The following CPA6 variants were observed in gnomAD, a reference collection of about 807,000 sequenced individuals.
CPA6 encodes the protein carboxypeptidase A6.
Under a neutral mutation model 63.3 loss-of-function variants are expected in CPA6, and 58 were observed. The observed-to-expected ratio is 0.92, with a 90% CI of 0.74 to 1.14. The LOEUF is 1.14. Among genes scored for constraint, CPA6 ranks in the 50% most tolerant of loss-of-function variants. CPA6 has a pLI of 0.00. For synonymous variants in CPA6, 185 were observed against 179.0 expected (o/e 1.03, Z -0.27); for missense variants, 565 against 526.6 (o/e 1.07, Z -0.71).
intron 6 of CPA6, among the ~76,000 whole-genome samples, chr8:67,491,004 G>T (rs1811592215): frequency 6.6e-6 from 1 of 152,022 alleles, no homozygotes; most frequent in South Asian, 2.1e-4. Flanking sequence ...CACATCCAAT[G>T]CAGGACACAC....
At chr8:67,572,338 C>T (rs1375272232) in intron 2 of CPA6, among the ~76,000 whole-genome samples, 4 of 152,156 alleles carry the variant, frequency 2.6e-5, no homozygotes, top group African/African-American at 4.8e-5. Flanking sequence ...GGCTTGGTGC[C>T]GTTCTCCTAG....
intron 1 of CPA6, among the ~76,000 whole-genome samples, chr8:67,721,093 G>A (rs1045930029): frequency 6.6e-6 from 1 of 152,164 alleles, no homozygotes; most frequent in Non-Finnish European, 1.5e-5. Context: ...AAGCAGGCTG[G>A]CAAAAAAATT....
At chr8:67,496,313 G>A (rs1350507255) in intron 6 of CPA6, among the ~76,000 whole-genome samples, 1 of 151,816 alleles carries the variant, frequency 6.6e-6, no homozygotes, top group Non-Finnish European at 1.5e-5. Flanking sequence ...AATATAAGCA[G>A]AATGCTAAAA....
intron 1 of CPA6, among the ~76,000 whole-genome samples, chr8:67,668,726 C>T (rs1201539285): frequency 6.6e-6 from 1 of 152,062 alleles, no homozygotes; most frequent in Non-Finnish European, 1.5e-5. Flanking sequence ...GCCTTCTGGG[C>T]CCCCAGCATT....
intron 1 of CPA6, among the ~76,000 whole-genome samples, chr8:67,629,435 C>G (rs1340662144): frequency 7.4e-6 from 1 of 135,516 alleles, no homozygotes; most frequent in African/African-American, 2.8e-5. Flanking sequence ...GAGCTATGAT[C>G]AAGGCATTTT....
chr8:67,440,445 C>T (rs555931528), intron 8 of CPA6, among the ~76,000 whole-genome samples: 1 of 152,210 alleles, frequency 6.6e-6, no homozygotes, highest in South Asian at 2.1e-4. Context: ...GTGACACACA[C>T]CTGTAATCCC....
intron 8 of CPA6, chr8:67,483,419 T>C: frequency 3.1e-6 from 1 of 324,494 alleles, no homozygotes; most frequent in Non-Finnish European, 5.8e-6. Context: ...GGTGCTTGTA[T>C]GAAAAGGATA....
chr8:67,624,943 A>T lies in CPA6; in HGVS notation c.117-692T>A, dbSNP rs543703923. On this transcript the variant is annotated intron_variant, in intron 1 of 10. Coordinates refer to ENST00000297770, the MANE Select transcript of CPA6 (RefSeq NM_020361.5). The stretch of plus-strand genomic sequence containing the variant: ...ACATAAAGCAATCACTGAGAAGATG[A>T]TTATTACCAAGAAAGAAGGCTTTAA... 4.6e-5 allele frequency among the ~76,000 whole-genome samples: 7 copies of T among 152,286 alleles called. No individual in the cohort carries two copies. The East Asian group carries it at 1.4e-3, about 29-fold the overall frequency.
At chr8:67,665,065 C>T (rs897770615) in intron 1 of CPA6, among the ~76,000 whole-genome samples, 7 of 152,138 alleles carry the variant, frequency 4.6e-5, no homozygotes, top group African/African-American at 7.2e-5. Flanking sequence ...AAACTGCTTA[C>T]GCTTCTGGAA....
At chr8:67,447,534 C>CACAA (rs1810456061) in intron 8 of CPA6, among the ~76,000 whole-genome samples, 1 of 148,954 alleles carries the variant, frequency 6.7e-6, no homozygotes, top group Non-Finnish European at 1.5e-5. Context: ...CACACACACA[C>CACAA]ACACACACAC....
chr8:67,705,826 A>G (rs1362196893), intron 1 of CPA6, among the ~76,000 whole-genome samples: 3 of 152,250 alleles, frequency 2.0e-5, no homozygotes. Context: ...GTATGTGGAT[A>G]ACCTCCTTAT....
chr8:67,613,504 C>T (rs1814862929), intron 2 of CPA6, among the ~76,000 whole-genome samples: 2 of 152,176 alleles, frequency 1.3e-5, no homozygotes, highest in South Asian at 4.1e-4. Flanking sequence ...GGACAAATTG[C>T]TACAGTGTAT....
intron 6 of CPA6, among the ~76,000 whole-genome samples, chr8:67,496,780 T>C (rs1811728757): frequency 6.6e-6 from 1 of 151,716 alleles, no homozygotes; most frequent in African/African-American, 2.4e-5. Context: ...AGGTTGGTCT[T>C]GAACTCCTGA....
At chr8:67,463,467 T>C (rs1587453969) in intron 8 of CPA6, among the ~76,000 whole-genome samples, 1 of 137,880 alleles carries the variant, frequency 7.3e-6, no homozygotes, top group East Asian at 2.1e-4. Context: ...AATAAATAAA[T>C]AAATAAATAG....
chr8:67,513,147 C>CA (rs1220438968), intron 3 of CPA6, among the ~76,000 whole-genome samples: 4 of 152,172 alleles, frequency 2.6e-5, no homozygotes, highest in Admixed American at 6.5e-5. Flanking sequence ...CTTGCAGTGG[C>CA]TCAAAATGTG....
chr8:67,544,515 C>T (rs1038927378), intron 2 of CPA6, among the ~76,000 whole-genome samples: 7 of 152,198 alleles, frequency 4.6e-5, no homozygotes, highest in East Asian at 3.9e-4. Flanking sequence ...GTCTAATGGG[C>T]GCTGTAAAAG....
At chr8:67,696,761 A>T (rs115877203) in intron 1 of CPA6, among the ~76,000 whole-genome samples, 3,179 of 152,300 alleles carry the variant, frequency 0.021, 109 homozygotes, top group African/African-American at 0.069. Context: ...AAAAGACTAC[A>T]TGTTTCCATT....
intron 2 of CPA6, among the ~76,000 whole-genome samples, chr8:67,579,689 T>C (rs556994551): frequency 3.1e-4 from 47 of 152,384 alleles, no homozygotes; most frequent in Admixed American, 1.0e-3. Flanking sequence ...ATATCTGGCC[T>C]GCTGCCTGTT....
intron 10 of CPA6, among the ~76,000 whole-genome samples, chr8:67,423,659 T>C (rs1809817528): frequency 6.6e-6 from 1 of 152,218 alleles, no homozygotes; most frequent in Non-Finnish European, 1.5e-5. Context: ...AGAAAGTCTT[T>C]GCTGAGTAGA....
Sources: gnomAD v4.1 joint callset for allele counts (sites outside exome capture counted in the v4.1 genomes callset) on GRCh38, gnomAD v4.1.1 for gene constraint, MANE v1.5 for transcripts, NCBI Gene and HGNC (gene_info 2026-07-23, HGNC 2026-07-21) for gene names.